CIAPIN1: variants seen among roughly 807,000 people sequenced by gnomAD.
CIAPIN1 encodes anamorsin.
In CIAPIN1, 18 loss-of-function variants were observed where a neutral mutation model predicts 34.3. The observed-to-expected ratio is 0.52, with a 90% confidence interval of 0.36 to 0.78. The LOEUF (loss-of-function observed/expected upper bound fraction) is 0.78, where lower values mean the gene tolerates loss of function less well. Ranked by LOEUF, CIAPIN1 falls within the 30% of genes least tolerant of loss-of-function variation. The pLI is 0.00. For missense variants in CIAPIN1, 310 were observed against 372.5 expected, an observed-to-expected ratio of 0.83 and a Z score of 1.38; for synonymous variants, 131 against 140.4, an observed-to-expected ratio of 0.93 and a Z score of 0.47.
chr16:57,433,873 A>T, intron 5 of CIAPIN1, 171 bp downstream of exon 5: 1 of 606,580 alleles, frequency 1.6e-6, no homozygotes, highest in South Asian at 1.9e-5. Flanking sequence ...TCAGTTTTGG[A>T]TCCTAATATG....
chr16:57,443,534 T>G (rs2029931796), intron 1 of CIAPIN1, among the ~76,000 whole-genome samples: 3 of 152,202 alleles, frequency 2.0e-5, no homozygotes, highest in South Asian at 4.1e-4. Context: ...CTCAACTCAG[T>G]GCAACCTCCG....
intron 2 of CIAPIN1, among the ~76,000 whole-genome samples, chr16:57,440,188 G>C (rs1262482102): frequency 6.6e-6 from 1 of 152,140 alleles, no homozygotes; most frequent in African/African-American, 2.4e-5. Flanking sequence ...GCACTCCCAG[G>C]CCTGTTAGGA....
At chr16:57,439,036 A>G in intron 3 of CIAPIN1, 146 bp downstream of exon 3, 1 of 795,052 alleles carries the variant, frequency 1.3e-6, no homozygotes. Flanking sequence ...GTTGCTTCAG[A>G]TTTTAACAAT....
chr16:57,443,587 A>G (rs1463113759), intron 1 of CIAPIN1, among the ~76,000 whole-genome samples: 3 of 152,142 alleles, frequency 2.0e-5, no homozygotes, highest in Admixed American at 6.5e-5. Context: ...CCTCCCAAGT[A>G]GCTGGAATTA....
At chr16:57,430,162 A>C in intron 8 of CIAPIN1, 96 bp downstream of exon 8, 6 of 1,035,196 alleles carry the variant, frequency 5.8e-6, no homozygotes, top group Non-Finnish European at 9.1e-6. Flanking sequence ...GTCTGTTACT[A>C]AAATATTTGA....
chr16:57,430,490 G>C, intron 7 of CIAPIN1, 151 bp from the exon 8 acceptor site: 3 of 656,758 alleles, frequency 4.6e-6, no homozygotes, highest in Middle Eastern at 2.5e-4. Flanking sequence ...AGCAATATGA[G>C]AGGCTGCTGA....
At chr16:57,437,486 T>C (rs147529280) in intron 3 of CIAPIN1, among the ~76,000 whole-genome samples, 1,790 of 151,686 alleles carry the variant, frequency 0.012, 34 homozygotes, top group African/African-American at 0.041. Flanking sequence ...ATGAGGACAA[T>C]TGTATATATA....
chr16:57,440,127 C>T (rs1903294731), intron 2 of CIAPIN1, among the ~76,000 whole-genome samples: 1 of 152,144 alleles, frequency 6.6e-6, no homozygotes, highest in Non-Finnish European at 1.5e-5. Context: ...TCTGGGATGT[C>T]TGTCTTATAT....
rs2146554496 is a variant in CIAPIN1, at chr16:57,430,259, T to C, written c.827A>G (p.Asn276Ser). Reference protein sequence around the residue: ...MSSQPKSACGNCYLGDAFRCA... With the variant: ...MSSQPKSACGSCYLGDAFRCA... ...CTGAGGAATGATCCTGATATTTACGTTTCCACAAGCTGACTTGGGTTGGGA... is the reference window on the plus strand; with the variant it reads ...CTGAGGAATGATCCTGATATTTACGCTTCCACAAGCTGACTTGGGTTGGGA... The change falls in exon 8 of 9, where the codon AAC becomes AGC. Residue 276 changes from asparagine (N) to serine (S), a missense_variant and splice_region_variant. By Grantham distance (46) the Asn-to-Ser change is conservative (BLOSUM62 1). Coordinates refer to ENST00000394391, the MANE Select transcript of CIAPIN1 (RefSeq NM_020313.4). The C allele has an allele frequency of 6.2e-7, 1 of 1,613,992 alleles. No homozygotes were observed. The highest frequency in any genetic ancestry group is 1.7e-4 in the Middle Eastern group (1 of 6,058).
rs527955001 is a variant in CIAPIN1, at chr16:57,440,995, C to G, written c.-55-12G>C. ...AAAGGGAATCAAGACTGGGCAGAGA[C>G]AAAGTGCAATTTAATCTGTGAGATA... On this transcript the variant is annotated splice_polypyrimidine_tract_variant and intron_variant, in intron 1 of 8. Transcript: ENST00000394391. The G allele has an allele frequency of 4.0e-6, 6 of 1,517,302 alleles. No homozygotes were observed. The East Asian group carries it at 6.8e-5, about 17-fold the overall frequency. 94.0% of individuals were successfully genotyped at this position (1,517,302 alleles called of 1,614,324 possible). A position where few individuals can be genotyped will look rare whatever the true frequency, so the allele number is the denominator to read the frequency against.
rs572303071 is a variant in CIAPIN1 at position 57,431,680 on chromosome 16, C to T, written c.631-414G>A. On this transcript the variant is annotated intron_variant, in intron 6 of 8. Coordinates refer to ENST00000394391, the MANE Select transcript of CIAPIN1 (RefSeq NM_020313.4). ...CTTTTACATAATCCCAGATAAAAAT[C>T]AAATAATTATATATACCTTTATGTA... is the stretch of plus-strand genomic sequence containing the variant. 3.3e-5 allele frequency among the ~76,000 whole-genome samples: 5 copies of T among 152,240 alleles called. 1 individual carries two copies. The South Asian group carries it at 8.3e-4, about 25-fold the overall frequency.
intron 2 of CIAPIN1, among the ~76,000 whole-genome samples, chr16:57,439,804 T>G (rs1312611077): frequency 1.3e-5 from 2 of 152,264 alleles, no homozygotes; most frequent in Non-Finnish European, 2.9e-5. Flanking sequence ...TCCCGTCATC[T>G]TCATAAGCTG....
intron 1 of CIAPIN1, among the ~76,000 whole-genome samples, chr16:57,442,110 C>T (rs1026344792): frequency 4.2e-4 from 64 of 152,170 alleles, no homozygotes; most frequent in African/African-American, 1.5e-3. Context: ...CTTTAGGAAG[C>T]CGAGCCAGGC....
chr16:57,431,433 G>C (rs1176817829), intron 6 of CIAPIN1, 167 bp from the exon 7 acceptor site: 1 of 512,230 alleles, frequency 2.0e-6, no homozygotes, highest in African/African-American at 1.9e-5. Context: ...ATGCTCAAGA[G>C]GCCAACGGTG....
At chr16:57,442,733 A>G (rs1461649015) in intron 1 of CIAPIN1, among the ~76,000 whole-genome samples, 1 of 152,226 alleles carries the variant, frequency 6.6e-6, no homozygotes, top group African/African-American at 2.4e-5. Flanking sequence ...AAACATACTC[A>G]GGATGTTAAA....
At chr16:57,431,122 T>G (rs774214634) in intron 7 of CIAPIN1, 29 bp downstream of exon 7, 1 of 1,377,794 alleles carries the variant, frequency 7.3e-7, no homozygotes, top group Admixed American at 1.7e-5. Flanking sequence ...GGAGGCAGCA[T>G]GGCAGGCTCC....
intron 6 of CIAPIN1, 179 bp from the exon 7 acceptor site, chr16:57,431,445 G>A (rs1903085512): frequency 2.0e-6 from 1 of 491,396 alleles, no homozygotes; most frequent in Middle Eastern, 3.3e-4. Flanking sequence ...CCAACGGTGA[G>A]TTAAACTACA....
chr16:57,439,416 C>T (rs1363291012), intron 2 of CIAPIN1, 82 bp from the exon 3 acceptor site: 17 of 1,440,614 alleles, frequency 1.2e-5, no homozygotes, highest in Non-Finnish European at 1.5e-5. Context: ...ACAAAAGCTA[C>T]AGACCTCACC....
At chr16:57,433,014 T>C (rs369756050) in intron 5 of CIAPIN1, among the ~76,000 whole-genome samples, 1 of 152,392 alleles carries the variant, frequency 6.6e-6, no homozygotes, top group Admixed American at 6.5e-5. Context: ...GTACTTCCTA[T>C]GTTACTGCAG....
Sources: gnomAD v4.1 joint callset for allele counts (sites outside exome capture counted in the v4.1 genomes callset) on GRCh38, gnomAD v4.1.1 for gene constraint, MANE v1.5 for transcripts, NCBI Gene and HGNC (gene_info 2026-07-23, HGNC 2026-07-21) for gene names.